The following TC2N variants were observed in gnomAD, a reference collection of about 807,000 sequenced individuals.
TC2N encodes tandem C2 domains, nuclear.
In TC2N, 51 loss-of-function variants were observed where a neutral mutation model predicts 61.9. That is an observed-to-expected ratio of 0.82 (90% CI 0.66 to 1.04). The LOEUF (loss-of-function observed/expected upper bound fraction) is 1.04, where lower values mean the gene tolerates loss of function less well. Among genes scored for constraint, TC2N ranks in the 50% least tolerant of loss-of-function variants. The pLI is 0.00. For missense variants in TC2N, 556 were observed against 566.7 expected, an observed-to-expected ratio of 0.98 and a Z score of 0.19; for synonymous variants, 204 against 192.6, an observed-to-expected ratio of 1.06 and a Z score of -0.49.
In TC2N at chr14:91,782,414, T is replaced by C. The variant is rs1247556448; in HGVS notation, c.*686A>G. The stretch of plus-strand genomic sequence containing the variant: ...TGAGGGAAGAAAACAGCAAAGTATG[T>C]ATATTCTGGGTTTCCAATTAAACTT... On this transcript the variant is annotated 3_prime_UTR_variant, in exon 12 of 12. Coordinates refer to ENST00000435962, the MANE Select transcript of TC2N (RefSeq NM_001128596.3). 6.6e-6 allele frequency: 1 copy of C among 152,008 alleles called. No homozygotes were observed. The highest frequency in any genetic ancestry group is 2.1e-4 in the South Asian group (1 of 4,832). The allele number at this position is 152,008 out of a possible 1,614,324, so 9.4% of individuals were successfully genotyped here.
intron 1 of TC2N, among the ~76,000 whole-genome samples, chr14:91,831,297 G>A (rs1887759760): frequency 6.6e-6 from 1 of 152,098 alleles, no homozygotes; most frequent in African/African-American, 2.4e-5. Context: ...AGGATTTGCA[G>A]CCTGATATAG....
chr14:91,860,433 G>A (rs1251123997), intron 1 of TC2N, among the ~76,000 whole-genome samples: 6 of 151,958 alleles, frequency 3.9e-5, no homozygotes, highest in African/African-American at 1.2e-4. Context: ...AATCAACTGT[G>A]ACTCTTTAAA....
chr14:91,813,649 C>A, intron 2 of TC2N, 54 bp downstream of exon 2: 1 of 1,284,024 alleles, frequency 7.8e-7, no homozygotes, highest in South Asian at 1.2e-5. Context: ...TTACAAAATG[C>A]CACAAATGAA....
intron 1 of TC2N, among the ~76,000 whole-genome samples, chr14:91,824,660 T>C (rs966939774): frequency 2.6e-5 from 4 of 152,224 alleles, no homozygotes; most frequent in African/African-American, 9.6e-5. Context: ...GACAAGCTTT[T>C]GGAGCGCTTA....
intron 1 of TC2N, among the ~76,000 whole-genome samples, chr14:91,824,860 T>C (rs1179206876): frequency 6.6e-6 from 1 of 152,132 alleles, no homozygotes; most frequent in Non-Finnish European, 1.5e-5. Context: ...TTCTTGATGG[T>C]GGAGCATTCC....
intron 1 of TC2N, among the ~76,000 whole-genome samples, chr14:91,845,966 A>G (rs572198894): frequency 4.9e-4 from 75 of 152,336 alleles, no homozygotes; most frequent in African/African-American, 1.8e-3. Context: ...CAGTCAGGCC[A>G]CACACAAGGT....
intron 1 of TC2N, among the ~76,000 whole-genome samples, chr14:91,824,015 C>T (rs1013920382): frequency 2.2e-4 from 33 of 152,240 alleles, no homozygotes; most frequent in African/African-American, 7.5e-4. Context: ...CTGTCATCAG[C>T]GGCATCATTA....
At chr14:91,834,505 C>T (rs1178733882) in intron 1 of TC2N, among the ~76,000 whole-genome samples, 2 of 151,936 alleles carry the variant, frequency 1.3e-5, no homozygotes, top group Non-Finnish European at 2.9e-5. Context: ...ATCAATGGAT[C>T]GCCTCTCCTT....
intron 3 of TC2N, among the ~76,000 whole-genome samples, chr14:91,806,303 T>C (rs1049174753): frequency 2.0e-5 from 3 of 152,138 alleles, no homozygotes; most frequent in Admixed American, 2.0e-4. Context: ...GCTGTAAAGA[T>C]ACCCAAAAAT....
At chr14:91,826,972 T>C (rs571491438) in intron 1 of TC2N, among the ~76,000 whole-genome samples, 2 of 152,352 alleles carry the variant, frequency 1.3e-5, no homozygotes, top group African/African-American at 2.4e-5. Flanking sequence ...ATGTTTTAGA[T>C]ATGTCTCTTA....
At chr14:91,844,351 G>A (rs1703635843) in intron 1 of TC2N, among the ~76,000 whole-genome samples, 1 of 152,164 alleles carries the variant, frequency 6.6e-6, no homozygotes, top group African/African-American at 2.4e-5. Context: ...AATAGGAAAC[G>A]GGGGAGGAAG....
At chr14:91,827,637 T>G (rs1887559080) in intron 1 of TC2N, among the ~76,000 whole-genome samples, 1 of 152,222 alleles carries the variant, frequency 6.6e-6, no homozygotes, top group Non-Finnish European at 1.5e-5. Context: ...CTAAATCACA[T>G]CTGTAAAGTC....
At chr14:91,855,858 A>G (rs1888473457) in intron 1 of TC2N, among the ~76,000 whole-genome samples, 3 of 152,166 alleles carry the variant, frequency 2.0e-5, no homozygotes, top group African/African-American at 7.2e-5. Context: ...TTGGAGTCAG[A>G]AGTGACCATG....
At chr14:91,795,177 A>G (rs1371434598) in intron 8 of TC2N, among the ~76,000 whole-genome samples, 1 of 152,198 alleles carries the variant, frequency 6.6e-6, no homozygotes, top group Non-Finnish European at 1.5e-5. Context: ...ATTCTCACAC[A>G]TGAGCAAAGA....
chr14:91,796,790 G>T (rs1885917952), intron 8 of TC2N, among the ~76,000 whole-genome samples: 1 of 152,070 alleles, frequency 6.6e-6, no homozygotes, highest in Non-Finnish European at 1.5e-5. Context: ...CTCCAAAGCT[G>T]CAAGAGAGAA....
At chr14:91,830,138 T>C (rs893511675) in intron 1 of TC2N, among the ~76,000 whole-genome samples, 5 of 152,188 alleles carry the variant, frequency 3.3e-5, no homozygotes, top group Non-Finnish European at 4.4e-5. Context: ...ACTTTGGCAA[T>C]TCCTCAAACA....
intron 10 of TC2N, among the ~76,000 whole-genome samples, chr14:91,786,557 C>T (rs1325935645): frequency 1.3e-5 from 2 of 152,018 alleles, no homozygotes; most frequent in Non-Finnish European, 2.9e-5. Flanking sequence ...TTCTTTTATT[C>T]GGATTTTCTT....
intron 1 of TC2N, among the ~76,000 whole-genome samples, chr14:91,843,719 A>C (rs1214710037): frequency 6.6e-6 from 1 of 152,200 alleles, no homozygotes; most frequent in African/African-American, 2.4e-5. Flanking sequence ...CCCACTCCAC[A>C]TCCATAAAGA....
intron 3 of TC2N, among the ~76,000 whole-genome samples, chr14:91,805,663 C>CAA (rs530251030): frequency 7.8e-6 from 1 of 127,712 alleles, no homozygotes; most frequent in Non-Finnish European, 1.7e-5. Flanking sequence ...GACTCCGTTT[C>CAA]AAAAAAAAAA....
Sources: gnomAD v4.1 joint callset for allele counts (sites outside exome capture counted in the v4.1 genomes callset) on GRCh38, gnomAD v4.1.1 for gene constraint, MANE v1.5 for transcripts, NCBI Gene and HGNC (gene_info 2026-07-23, HGNC 2026-07-21) for gene names.